Variants in MORN1 observed in about 807,000 individuals in gnomAD.
MORN1 encodes the protein MORN repeat-containing protein 1.
A neutral mutation model predicts 61.9 loss-of-function variants in MORN1; 67 were observed. The ratio of observed to expected loss-of-function variants is 1.08; its 90% CI spans 0.89 to 1.33. The LOEUF is 1.33. MORN1 is among the 40% of genes most tolerant of loss of function. The pLI, the probability that MORN1 is intolerant of heterozygous loss-of-function variation, is 0.00. For missense variants in MORN1, 752 were observed against 691.2 expected (o/e 1.09, Z -0.99); for synonymous variants, 301 against 292.0 (o/e 1.03, Z -0.31).
intron 12 of MORN1, among the ~76,000 whole-genome samples, chr1:2,325,112 C>T (rs867643936): frequency 8.9e-5 from 6 of 67,092 alleles, no homozygotes; most frequent in East Asian, 1.1e-3. Context: ...CCCTTTCCTT[C>T]CCTTCCTTCC....
Position 2,329,783 on chromosome 1 carries a change from C to T in MORN1, c.1251-5640G>A, listed in dbSNP as rs2645065. ...TCGAGGGTCTATTTCAGATAGTGTTCCCCAAGGCCCCACTGGGCTGGGCCC... is the reference window on the plus strand; with the variant it reads ...TCGAGGGTCTATTTCAGATAGTGTTTCCCAAGGCCCCACTGGGCTGGGCCC... On this transcript the variant is annotated intron_variant, in intron 12 of 13. Coordinates refer to ENST00000378531, the MANE Select transcript of MORN1 (RefSeq NM_024848.3). Among the ~76,000 whole-genome samples, 110 of 152,270 alleles carry T rather than the reference C, an allele frequency of 7.2e-4. 1 individual carries two copies. Among genetic ancestry groups the T allele is most frequent in the Non-Finnish European group, 1.8e-4 (12 of 67,998 alleles).
Position 2,372,384 on chromosome 1 carries a change from C to A in MORN1, c.745+97G>T, listed in dbSNP as rs1308000970. ...CGAAGTCACTGCTGTGCCTCAGGAGCCACATGCAACATCTCGTCCGCATCT... is the reference window on the plus strand; with the variant it reads ...CGAAGTCACTGCTGTGCCTCAGGAGACACATGCAACATCTCGTCCGCATCT... On this transcript the variant is annotated intron_variant, in intron 8 of 13. Transcript: ENST00000378531. The surrounding 1 kb of genome is among the most constrained non-coding windows in gnomAD (Gnocchi z 5.4). 4 of 913,516 alleles carry A rather than the reference C, an allele frequency of 4.4e-6. No individual in the cohort carries two copies. The Admixed American group carries it at 1.0e-4, about 23-fold the overall frequency. 56.6% of individuals were successfully genotyped at this position (913,516 alleles called of 1,614,324 possible).
chr1:2,334,388 G>GAAGGC lies in MORN1; in HGVS notation c.1250+2080_1250+2081insGCCTT, dbSNP rs1641221356. Among the ~76,000 whole-genome samples, 1 of 152,194 alleles carries GAAGGC rather than the reference G, an allele frequency of 6.6e-6. No homozygotes were observed. The highest frequency in any genetic ancestry group is 1.5e-5 in the Non-Finnish European group (1 of 68,036). ...ATCCATGGCGGAGAGGCCTGCAAGT[G>GAAGGC]TGCAGCCCTTCACCTCCATGCTGGG... is the stretch of plus-strand genomic sequence containing the variant. On this transcript the variant is annotated intron_variant, in intron 12 of 13. Transcript: ENST00000378531. This position sits in a 1 kb window ranked among gnomAD's most constrained non-coding sequence, Gnocchi z 5.4.
chr1:2,344,432 C>A (rs894971440), intron 10 of MORN1, among the ~76,000 whole-genome samples: 2 of 152,194 alleles, frequency 1.3e-5, no homozygotes, highest in Admixed American at 6.5e-5. Context: ...GAAGGCCCAG[C>A]GACCAGGAGC....
intron 10 of MORN1, among the ~76,000 whole-genome samples, chr1:2,340,487 C>T (rs1055763332): frequency 3.9e-5 from 6 of 152,208 alleles, no homozygotes; most frequent in Admixed American, 3.9e-4. Context: ...CCAAACTTCT[C>T]GGATCCTCCT....
At chr1:2,325,121 CCCTTCCTT>C (rs1241428480) in intron 12 of MORN1, among the ~76,000 whole-genome samples, 1 of 86,732 alleles carries the variant, frequency 1.2e-5, no homozygotes, top group East Asian at 4.1e-4. Context: ...TCCCTTCCTT[CCCTTCCTT>C]CCTTCCCTCC....
chr1:2,370,987 C>CCT lies in MORN1; in HGVS notation c.745+1493_745+1494insAG. Among the ~76,000 whole-genome samples, 4 of 151,900 alleles carry CCT rather than the reference C, an allele frequency of 2.6e-5. No homozygotes were observed. The South Asian group carries it at 8.3e-4, about 32-fold the overall frequency. On this transcript the variant is annotated intron_variant, in intron 8 of 13. Transcript: ENST00000378531. ...TTGGGAGGCCAAGGCGGGTGGATCA[C>CCT]GAGGTCAGGAGATCGAGACCATCCT...
intron 12 of MORN1, chr1:2,326,837 G>A (rs1012292424): frequency 2.0e-5 from 3 of 152,318 alleles, no homozygotes; most frequent in Admixed American, 6.5e-5. Context: ...TGGCAGTCTC[G>A]GCCTCCCCGT....
At chr1:2,343,946 TGG>T (rs1641455783) in intron 10 of MORN1, among the ~76,000 whole-genome samples, 1 of 33,464 alleles carries the variant, frequency 3.0e-5, no homozygotes, top group Admixed American at 4.1e-4. Context: ...CTGCCAGCTG[TGG>T]GGGTGACTGA....
chr1:2,348,801 T>A (rs112418412), intron 10 of MORN1, among the ~76,000 whole-genome samples: 40 of 40,184 alleles, frequency 1.0e-3, no homozygotes, highest in African/African-American at 1.7e-3. Flanking sequence ...GCACACGCAC[T>A]CCTGCGCGGG....
intron 1 of MORN1, chr1:2,390,549 G>A: frequency 2.0e-6 from 2 of 985,396 alleles, no homozygotes; most frequent in Non-Finnish European, 1.2e-6. Flanking sequence ...AATGGGCAGG[G>A]CTCCCTCCCT....
rs1449337188 is a variant in MORN1 at position 2,357,727 on chromosome 1, C to T, written c.870-129G>A. On this transcript the variant is annotated intron_variant, in intron 9 of 13. Transcript: ENST00000378531. This position sits in a 1 kb window ranked among gnomAD's most constrained non-coding sequence, Gnocchi z 6.3. ...GAGTCCAGGGAGCGCTACTCAGCCT[C>T]TCTGGGAGGTCTCCTGCTGGGATGG... The T allele has an allele frequency of 4.5e-6, 5 of 1,099,942 alleles. No individual in the cohort carries two copies. The Admixed American group carries it at 1.3e-4, about 29-fold the overall frequency. The allele number at this position is 1,099,942 out of a possible 1,614,324, so 68.1% of individuals were successfully genotyped here.
chr1:2,382,147 G>T (rs1236463288), intron 6 of MORN1, among the ~76,000 whole-genome samples: 2 of 152,202 alleles, frequency 1.3e-5, no homozygotes, highest in Non-Finnish European at 1.5e-5. Context: ...ATGGTCCTCT[G>T]GAAGAACAGG....
chr1:2,352,336 C>T (rs1641667955), intron 10 of MORN1: 1 of 161,260 alleles, frequency 6.2e-6, no homozygotes, highest in Non-Finnish European at 1.3e-5. Context: ...GCAGAATAGG[C>T]AACAGGAACT....
chr1:2,327,037 G>A (rs1312334210), intron 12 of MORN1, among the ~76,000 whole-genome samples: 3 of 151,612 alleles, frequency 2.0e-5, no homozygotes, highest in Non-Finnish European at 2.9e-5. Context: ...CAGAAACGAA[G>A]ACAGAAACAC....
At position 2,336,050 on chromosome 1, in the gene MORN1, C is replaced by T. The variant is rs532138385; in HGVS notation, c.1250+419G>A. Among the ~76,000 whole-genome samples the T allele has an allele frequency of 4.0e-4, 61 of 152,304 alleles. No homozygotes were observed. In the South Asian group the frequency reaches 9.1e-3, roughly 23 times the overall value. On this transcript the variant is annotated intron_variant, in intron 12 of 13. Coordinates refer to ENST00000378531, the MANE Select transcript of MORN1 (RefSeq NM_024848.3). ...ACGGTGTCCCCGCCTGCACGTGCCG[C>T]GGTGTGCACCTGGTCCCACTCCTGT... is the stretch of plus-strand genomic sequence containing the variant.
chr1:2,328,418 T>C (rs1019722247), intron 12 of MORN1, among the ~76,000 whole-genome samples: 6 of 152,162 alleles, frequency 3.9e-5, no homozygotes, highest in Non-Finnish European at 7.4e-5. Context: ...GCAGGAGGCT[T>C]TGCCCAGCTC....
chr1:2,328,538 C>T (rs781345784), intron 12 of MORN1, among the ~76,000 whole-genome samples: 7 of 152,160 alleles, frequency 4.6e-5, no homozygotes, highest in South Asian at 2.1e-4. Context: ...TGGCCGGGTG[C>T]GGCTTTCAGA....
In MORN1 at chr1:2,370,394, G is replaced by A. The variant is rs372214802; in HGVS notation, c.745+2087C>T. Among the ~76,000 whole-genome samples, 19 of 152,296 alleles carry A rather than the reference G, an allele frequency of 1.2e-4. No homozygotes were observed. In the South Asian group the frequency reaches 3.9e-3, roughly 32 times the overall value. ...GAGCTAGAACTATAAGAGTTCTGGA[G>A]GGATACGAGAAAATCTTTGTGAAAC... On this transcript the variant is annotated intron_variant, in intron 8 of 13. Coordinates refer to ENST00000378531, the MANE Select transcript of MORN1 (RefSeq NM_024848.3).
Sources: allele counts gnomAD v4.1 joint callset (sites outside exome capture counted in the v4.1 genomes callset), GRCh38; gene constraint gnomAD v4.1.1; non-coding constraint Gnocchi (gnomAD v3.1); transcripts MANE v1.5; gene names NCBI Gene and HGNC (gene_info 2026-07-23, HGNC 2026-07-21).